The following ATRNL1 variants were observed in gnomAD, a reference collection of about 807,000 sequenced individuals.
ATRNL1 encodes the protein attractin-like protein 1.
ATRNL1 carries 95 observed loss-of-function variants against 182.7 expected under a neutral mutation model. The ratio of observed to expected loss-of-function variants is 0.52; its 90% CI spans 0.44 to 0.62. The LOEUF (loss-of-function observed/expected upper bound fraction) is 0.62, where lower values mean the gene tolerates loss of function less well. Among genes scored for constraint, ATRNL1 ranks in the 20% least tolerant of loss-of-function variants. ATRNL1 has a pLI of 0.00. For missense variants in ATRNL1, 1,471 were observed against 1,679.5 expected (o/e 0.88, Z 2.17); for synonymous variants, 576 against 568.3 (o/e 1.01, Z -0.19).
At chr10:115,595,289 C>G (rs1232851554) in intron 26 of ATRNL1, among the ~76,000 whole-genome samples, 1 of 151,992 alleles carries the variant, frequency 6.6e-6, no homozygotes, top group Non-Finnish European at 1.5e-5. Context: ...TAAAAGGGGT[C>G]AAGTGTGAGA....
At chr10:115,778,396 T>C (rs1555078474) in intron 27 of ATRNL1, among the ~76,000 whole-genome samples, 1 of 152,184 alleles carries the variant, frequency 6.6e-6, no homozygotes, top group African/African-American at 2.4e-5. Flanking sequence ...GATAAAATGC[T>C]AAGTGAATTC....
At chr10:115,149,139 C>T (rs1846102321) in intron 5 of ATRNL1, among the ~76,000 whole-genome samples, 1 of 152,100 alleles carries the variant, frequency 6.6e-6, no homozygotes, top group Non-Finnish European at 1.5e-5. Context: ...CACTAAGAGG[C>T]TGGCCATCCC....
intron 24 of ATRNL1, among the ~76,000 whole-genome samples, chr10:115,471,116 C>T (rs1410532652): frequency 1.3e-5 from 2 of 150,546 alleles, no homozygotes; most frequent in African/African-American, 4.9e-5. Flanking sequence ...TCACAAATAG[C>T]AAGATTTCCT....
At chr10:115,310,816 T>C (rs1293893196) in intron 17 of ATRNL1, among the ~76,000 whole-genome samples, 1 of 152,212 alleles carries the variant, frequency 6.6e-6, no homozygotes, top group African/African-American at 2.4e-5. Flanking sequence ...TTCAATTTTA[T>C]TTAGTTCTAC....
intron 26 of ATRNL1, among the ~76,000 whole-genome samples, chr10:115,644,246 A>G (rs1265423512): frequency 2.0e-5 from 3 of 152,160 alleles, no homozygotes; most frequent in African/African-American, 7.2e-5. Context: ...AGCAGCCTGA[A>G]CCAATCACAT....
chr10:115,327,787 G>C (rs1402491115), intron 18 of ATRNL1, among the ~76,000 whole-genome samples: 3 of 152,012 alleles, frequency 2.0e-5, no homozygotes, highest in Non-Finnish European at 4.4e-5. Flanking sequence ...CCTTTGTAGG[G>C]ATATGGATGA....
At chr10:115,355,359 A>G (rs1334978652) in intron 19 of ATRNL1, among the ~76,000 whole-genome samples, 1 of 152,140 alleles carries the variant, frequency 6.6e-6, no homozygotes, top group Non-Finnish European at 1.5e-5. Flanking sequence ...TTTTAGCACT[A>G]GAGGGAGCCC....
Position 115,545,655 on chromosome 10 carries a change from C to G in ATRNL1, c.3717-3803C>G, listed in dbSNP as rs562885364. Among the ~76,000 whole-genome samples the G allele has an allele frequency of 8.5e-5, 13 of 152,284 alleles. No individual in the cohort carries two copies. In the South Asian group the frequency reaches 2.3e-3, roughly 27 times the overall value. The stretch of plus-strand genomic sequence containing the variant: ...CTAGTATTCCCGTCTCAAACTGAAT[C>G]TTTATTATGTAACTCTTAAGGAAGA... On this transcript the variant is annotated intron_variant, in intron 25 of 28. Coordinates refer to ENST00000355044, the MANE Select transcript of ATRNL1 (RefSeq NM_207303.4).
intron 8 of ATRNL1, among the ~76,000 whole-genome samples, chr10:115,193,873 A>G (rs1762375): frequency 1.3e-5 from 2 of 151,648 alleles, no homozygotes; most frequent in Non-Finnish European, 2.9e-5. Context: ...CTTTTGCTGT[A>G]TTCTTTAGGT....
intron 26 of ATRNL1, among the ~76,000 whole-genome samples, chr10:115,697,413 C>G (rs1221654832): frequency 6.6e-6 from 1 of 152,108 alleles, no homozygotes; most frequent in East Asian, 1.9e-4. Flanking sequence ...GCAGCCTCCA[C>G]CTTCTGGGCT....
At chr10:115,368,523 C>T (rs1163057209) in intron 19 of ATRNL1, among the ~76,000 whole-genome samples, 2 of 152,148 alleles carry the variant, frequency 1.3e-5, no homozygotes, top group African/African-American at 4.8e-5. Flanking sequence ...CAGAGCTGTT[C>T]CTATTCGGCC....
At chr10:115,703,380 C>T (rs1328483645) in intron 26 of ATRNL1, among the ~76,000 whole-genome samples, 3 of 151,832 alleles carry the variant, frequency 2.0e-5, no homozygotes, top group Admixed American at 6.6e-5. Context: ...TCTTCAAAAG[C>T]GATTGCAACA....
At chr10:115,885,225 G>A (rs1555109477) in intron 28 of ATRNL1, among the ~76,000 whole-genome samples, 1 of 152,128 alleles carries the variant, frequency 6.6e-6, no homozygotes, top group East Asian at 1.9e-4. Flanking sequence ...AAAGACTCAG[G>A]TCTCATTTGA....
At chr10:115,847,774 A>G (rs1464968271) in intron 27 of ATRNL1, 103 bp from the exon 28 acceptor site, 1 of 691,746 alleles carries the variant, frequency 1.4e-6, no homozygotes, top group African/African-American at 1.8e-5. Flanking sequence ...GTCCTGAACA[A>G]CTAGGAATGT....
intron 8 of ATRNL1, among the ~76,000 whole-genome samples, chr10:115,196,690 A>T (rs1206305036): frequency 6.6e-6 from 1 of 152,146 alleles, no homozygotes; most frequent in Non-Finnish European, 1.5e-5. Flanking sequence ...AATGGTATTT[A>T]AAAAATTTAA....
intron 26 of ATRNL1, among the ~76,000 whole-genome samples, chr10:115,577,431 A>G (rs1482587323): frequency 1.3e-5 from 2 of 151,530 alleles, no homozygotes; most frequent in South Asian, 2.1e-4. Flanking sequence ...TTGCTCAGAT[A>G]TTTTACTTTC....
chr10:115,787,480 G>T (rs1555080645), intron 27 of ATRNL1, among the ~76,000 whole-genome samples: 1 of 151,946 alleles, frequency 6.6e-6, no homozygotes, highest in Non-Finnish European at 1.5e-5. Flanking sequence ...TATCCTTTTG[G>T]TTTTTGTGCA....
chr10:115,485,534 T>A (rs1170858797), intron 24 of ATRNL1, among the ~76,000 whole-genome samples: 3 of 152,082 alleles, frequency 2.0e-5, no homozygotes, highest in African/African-American at 7.2e-5. Flanking sequence ...ATACAACATA[T>A]TATCATTAAC....
intron 22 of ATRNL1, among the ~76,000 whole-genome samples, chr10:115,466,162 T>A (rs191745773): frequency 2.1e-4 from 32 of 151,530 alleles, no homozygotes; most frequent in African/African-American, 7.0e-4. Context: ...AAAGGGGAAT[T>A]TAGTTGCTTC....
Sources: gnomAD v4.1 joint callset for allele counts (sites outside exome capture counted in the v4.1 genomes callset) on GRCh38, gnomAD v4.1.1 for gene constraint, MANE v1.5 for transcripts, NCBI Gene and HGNC (gene_info 2026-07-23, HGNC 2026-07-21) for gene names.